Variants in CELF2 observed in about 807,000 individuals in gnomAD.
CELF2 encodes the protein CUGBP Elav-like family member 2.
A neutral mutation model predicts 62.6 loss-of-function variants in CELF2; 8 were observed. The ratio of observed to expected loss-of-function variants is 0.13; its 90% confidence interval spans 0.07 to 0.23. CELF2 has a LOEUF of 0.23. CELF2 is among the 10% of genes least tolerant of loss of function. The pLI is 1.00. For missense variants in CELF2, 333 were observed against 671.0 expected (o/e 0.50, Z 5.56); for synonymous variants, 258 against 250.0 (o/e 1.03, Z -0.30).
rs892321695 is a variant in CELF2 at position 11,270,562 on chromosome 10, T to C, written c.619-104T>C. ...TTTTAAACCATTTCAGCCCATTCCA[T>C]GTGCTCCAGGCTAGTGCAGAAAGGT... is the stretch of plus-strand genomic sequence containing the variant. On this transcript the variant is annotated intron_variant, in intron 6 of 12. Transcript: ENST00000633077. This position sits in a 1 kb window ranked among gnomAD's most constrained non-coding sequence, Gnocchi z 5.8. The C allele has an allele frequency of 1.4e-5, 14 of 1,000,160 alleles. No individual in the cohort carries two copies. The highest frequency in any genetic ancestry group is 1.9e-5 in the Non-Finnish European group (14 of 730,274). 62.0% of individuals were successfully genotyped at this position (1,000,160 alleles called of 1,614,324 possible). A position where few individuals can be genotyped will look rare whatever the true frequency, so the allele number is the denominator to read the frequency against.
chr10:10,638,429 G>A, the CELF2 span, among the ~76,000 whole-genome samples: 6 of 152,172 alleles, frequency 3.9e-5, no homozygotes, highest in Non-Finnish European at 5.9e-5. Flanking sequence ...CACATAGTGG[G>A]ATAATCAGAG....
chr10:10,767,567 G>T, the CELF2 span, among the ~76,000 whole-genome samples: 85 of 152,302 alleles, frequency 5.6e-4, no homozygotes, highest in African/African-American at 1.9e-3. Context: ...GAGAGACTTT[G>T]CAGAGGGTGT....
chr10:10,800,329 C>A (rs1413006866), intron 1 of CELF2, among the ~76,000 whole-genome samples: 1 of 152,082 alleles, frequency 6.6e-6, no homozygotes, highest in Non-Finnish European at 1.5e-5. Flanking sequence ...ATTTTAATGG[C>A]TAAATAAAGC....
chr10:10,656,951 A>G, the CELF2 span, among the ~76,000 whole-genome samples: 4 of 152,080 alleles, frequency 2.6e-5, no homozygotes, highest in Non-Finnish European at 5.9e-5. Context: ...GTGTCCACAC[A>G]AAAAAACTTA....
the CELF2 span, among the ~76,000 whole-genome samples, chr10:10,586,852 C>T: frequency 6.6e-6 from 1 of 152,128 alleles, no homozygotes; most frequent in East Asian, 1.9e-4. Context: ...TTCTTACAGT[C>T]AGGAGGAACC....
chr10:10,595,656 T>G, the CELF2 span, among the ~76,000 whole-genome samples: 154 of 152,304 alleles, frequency 1.0e-3, 3 homozygotes, highest in South Asian at 0.03. Context: ...ACACTTTCCC[T>G]AGAAATACCT....
At chr10:10,774,123 A>G in the CELF2 span, among the ~76,000 whole-genome samples, 1 of 152,176 alleles carries the variant, frequency 6.6e-6, no homozygotes, top group Non-Finnish European at 1.5e-5. Context: ...AGATTTCCAT[A>G]AAGGATTTCT....
chr10:11,320,197 G>T lies in CELF2; in HGVS notation c.1097-992G>T, dbSNP rs1288163928. On this transcript the variant is annotated intron_variant, in intron 10 of 12. Coordinates refer to ENST00000633077, the MANE Select transcript of CELF2 (RefSeq NM_001326342.2). Reference sequence around the variant, plus strand: ...GTTAGCACTCTATAAAGTGTTGCTTGCTTTGACTCCGTATTCAGGGAAAAT... The same window carrying T: ...GTTAGCACTCTATAAAGTGTTGCTTTCTTTGACTCCGTATTCAGGGAAAAT... Among the ~76,000 whole-genome samples, 4 of 152,180 alleles carry T rather than the reference G, an allele frequency of 2.6e-5. No homozygotes were observed. The East Asian group carries it at 7.7e-4, about 29-fold the overall frequency.
the CELF2 span, among the ~76,000 whole-genome samples, chr10:10,554,266 C>T: frequency 3.3e-3 from 500 of 152,288 alleles, 3 homozygotes; most frequent in African/African-American, 0.012. Context: ...ATGCATAGGA[C>T]ATTTCAGATC....
At chr10:10,580,716 T>C in the CELF2 span, among the ~76,000 whole-genome samples, 2 of 152,230 alleles carry the variant, frequency 1.3e-5, no homozygotes, top group Non-Finnish European at 2.9e-5. Context: ...ATCTAGATCA[T>C]TGTATTTCCA....
At chr10:10,820,094 G>A (rs368504795) in intron 1 of CELF2, among the ~76,000 whole-genome samples, 14 of 152,162 alleles carry the variant, frequency 9.2e-5, no homozygotes, top group African/African-American at 2.9e-4. Context: ...GAGGGTTTCC[G>A]CTTTTGCTTC....
At chr10:10,577,569 C>G in the CELF2 span, among the ~76,000 whole-genome samples, 1 of 149,018 alleles carries the variant, frequency 6.7e-6, no homozygotes, top group Non-Finnish European at 1.5e-5. Flanking sequence ...TCCACGTGTT[C>G]TCATTGTTCA....
At chr10:10,529,854 G>T in the CELF2 span, among the ~76,000 whole-genome samples, 25 of 152,206 alleles carry the variant, frequency 1.6e-4, no homozygotes, top group East Asian at 3.7e-3. Flanking sequence ...CACATCAGTG[G>T]CTATGAACAG....
chr10:10,858,399 C>T (rs1205126563), intron 1 of CELF2, among the ~76,000 whole-genome samples: 1 of 152,104 alleles, frequency 6.6e-6, no homozygotes, highest in Non-Finnish European at 1.5e-5. Flanking sequence ...TTCTCATTGG[C>T]ATAGCGCATC....
rs1222697078 is a variant in CELF2, at chr10:11,297,203, C to G, written c.976+8651C>G. Among the ~76,000 whole-genome samples the G allele has an allele frequency of 1.3e-5, 2 of 152,124 alleles. No homozygotes were observed. Among genetic ancestry groups the G allele is most frequent in the African/African-American group, 4.8e-5 (2 of 41,432 alleles). On this transcript the variant is annotated intron_variant, in intron 9 of 12. Coordinates refer to ENST00000633077, the MANE Select transcript of CELF2 (RefSeq NM_001326342.2). This position sits in a 1 kb window ranked among gnomAD's most constrained non-coding sequence, Gnocchi z 4.4. ...GGAGGAAGCTGTCATATAAAATGATCGGACGTGGCACATGGAGAGCTCAAG... is the reference window on the plus strand; with the variant it reads ...GGAGGAAGCTGTCATATAAAATGATGGGACGTGGCACATGGAGAGCTCAAG...
At chr10:10,645,828 C>T in the CELF2 span, among the ~76,000 whole-genome samples, 1 of 152,210 alleles carries the variant, frequency 6.6e-6, no homozygotes, top group East Asian at 1.9e-4. Flanking sequence ...AGAAGATATT[C>T]CTGTCTAAAA....
At chr10:10,851,225 A>T (rs1191600190) in intron 1 of CELF2, among the ~76,000 whole-genome samples, 2 of 152,202 alleles carry the variant, frequency 1.3e-5, no homozygotes, top group Non-Finnish European at 2.9e-5. Flanking sequence ...ACATGCTGGA[A>T]AATAGTTTGG....
the CELF2 span, among the ~76,000 whole-genome samples, chr10:10,750,744 T>C: frequency 6.6e-6 from 1 of 152,262 alleles, no homozygotes; most frequent in Admixed American, 6.5e-5. Flanking sequence ...ATTCTAGCCC[T>C]GGTGATAAGG....
At chr10:10,807,182 A>G (rs2055325020) in intron 1 of CELF2, among the ~76,000 whole-genome samples, 1 of 152,236 alleles carries the variant, frequency 6.6e-6, no homozygotes, top group South Asian at 2.1e-4. Context: ...ACTTGCCATC[A>G]GACTTCACCT....
Sources: gnomAD v4.1 joint callset for allele counts (sites outside exome capture counted in the v4.1 genomes callset) on GRCh38, gnomAD v4.1.1 for gene constraint, Gnocchi (gnomAD v3.1) non-coding constraint, MANE v1.5 for transcripts, NCBI Gene and HGNC (gene_info 2026-07-23, HGNC 2026-07-21) for gene names.